Variants in FRMD4A observed in about 807,000 individuals in gnomAD.
The protein encoded by FRMD4A is FERM domain-containing protein 4A.
In FRMD4A, 29 loss-of-function variants were observed where a neutral mutation model predicts 129.1. The ratio of observed to expected loss-of-function variants is 0.22; its 90% confidence interval spans 0.17 to 0.31. The LOEUF is 0.31. FRMD4A is among the 10% of genes least tolerant of loss of function. The probability of loss-of-function intolerance (pLI) is 1.00; values close to 1 mark genes in which losing one functional copy is unlikely to be tolerated. For missense variants in FRMD4A, 1,272 were observed against 1,375.8 expected, an observed-to-expected ratio of 0.92 and a Z score of 1.19; for synonymous variants, 634 against 571.6, an observed-to-expected ratio of 1.11 and a Z score of -1.56.
chr10:13,971,045 A>G (rs2095514585), intron 2 of FRMD4A, among the ~76,000 whole-genome samples: 1 of 152,136 alleles, frequency 6.6e-6, no homozygotes, highest in Non-Finnish European at 1.5e-5. Context: ...CATTCCCCTT[A>G]CCAGCTTGTC....
chr10:13,917,020 C>T (rs553547053), intron 2 of FRMD4A, among the ~76,000 whole-genome samples: 13 of 152,186 alleles, frequency 8.5e-5, no homozygotes, highest in South Asian at 4.2e-4. Context: ...GTGTGCTCAC[C>T]GAAGTTTTGG....
intron 2 of FRMD4A, among the ~76,000 whole-genome samples, chr10:13,881,909 G>C (rs1313536433): frequency 6.6e-6 from 1 of 151,630 alleles, no homozygotes; most frequent in East Asian, 2.0e-4. Flanking sequence ...GGAAAGGGAT[G>C]GGAGGGGAAT....
At chr10:14,226,660 C>T (rs962856556) in intron 2 of FRMD4A, among the ~76,000 whole-genome samples, 1 of 152,098 alleles carries the variant, frequency 6.6e-6, no homozygotes, top group Non-Finnish European at 1.5e-5. Flanking sequence ...AAGGGCATGG[C>T]GGGTTAGGAC....
intron 4 of FRMD4A, among the ~76,000 whole-genome samples, chr10:13,800,296 C>A (rs2093225013): frequency 6.6e-6 from 1 of 152,208 alleles, no homozygotes; most frequent in Non-Finnish European, 1.5e-5. Flanking sequence ...GTTAGGTGCT[C>A]AAAAGAAGTA....
At chr10:14,261,476 C>T (rs751322378) in intron 2 of FRMD4A, among the ~76,000 whole-genome samples, 1 of 152,210 alleles carries the variant, frequency 6.6e-6, no homozygotes, top group African/African-American at 2.4e-5. Context: ...AACGCTTCTT[C>T]TTCTCTGAGG....
chr10:14,239,125 A>T (rs893903440), intron 2 of FRMD4A, among the ~76,000 whole-genome samples: 1 of 152,138 alleles, frequency 6.6e-6, no homozygotes, highest in Non-Finnish European at 1.5e-5. Context: ...TCATAGAAAA[A>T]CATCCCAGAG....
chr10:14,114,573 G>A (rs2131800902), intron 2 of FRMD4A, among the ~76,000 whole-genome samples: 2 of 152,308 alleles, frequency 1.3e-5, no homozygotes, highest in Admixed American at 1.3e-4. Flanking sequence ...AGAAAGGAAT[G>A]ACCACTGCAA....
Position 14,062,623 on chromosome 10 carries a change from G to A in FRMD4A, c.46-203711C>T, listed in dbSNP as rs1344643257. Among the ~76,000 whole-genome samples, 3 of 152,172 alleles carry A rather than the reference G, an allele frequency of 2.0e-5. No individual in the cohort carries two copies. The East Asian group carries it at 5.8e-4, about 29-fold the overall frequency. ...GTGAGACAGTGCATCCCTCTAAGTA[G>A]GTGTCATTTGTTTTCATTTGGATGC... On this transcript the variant is annotated intron_variant, in intron 2 of 24. Transcript: ENST00000357447.
At chr10:13,990,997 G>A (rs1588693132) in intron 2 of FRMD4A, among the ~76,000 whole-genome samples, 1 of 152,172 alleles carries the variant, frequency 6.6e-6, no homozygotes, top group Admixed American at 6.5e-5. Flanking sequence ...GCCAGGTTCC[G>A]AGGTGCATTC....
chr10:14,208,532 G>T (rs1220946870), intron 2 of FRMD4A, among the ~76,000 whole-genome samples: 1 of 152,102 alleles, frequency 6.6e-6, no homozygotes, highest in African/African-American at 2.4e-5. Context: ...CCTTGGGGAA[G>T]GAGGAGGGGA....
intron 8 of FRMD4A, among the ~76,000 whole-genome samples, chr10:13,760,681 C>T (rs943534653): frequency 1.3e-5 from 2 of 152,152 alleles, no homozygotes; most frequent in African/African-American, 4.8e-5. Flanking sequence ...GATAAAATCC[C>T]TCAAAGCATG....
At chr10:14,161,075 C>G (rs1334972499) in intron 2 of FRMD4A, among the ~76,000 whole-genome samples, 1 of 152,156 alleles carries the variant, frequency 6.6e-6, no homozygotes, top group Non-Finnish European at 1.5e-5. Context: ...CTGCCTCAGC[C>G]CCCCGAGTCG....
chr10:13,743,587 G>A (rs974937033), intron 9 of FRMD4A, among the ~76,000 whole-genome samples: 1 of 152,114 alleles, frequency 6.6e-6, no homozygotes, highest in South Asian at 2.1e-4. Context: ...TCAGAAAGCC[G>A]CGTCGCTGTT....
At chr10:14,056,992 T>G (rs1834564994) in intron 2 of FRMD4A, among the ~76,000 whole-genome samples, 1 of 152,250 alleles carries the variant, frequency 6.6e-6, no homozygotes, top group Non-Finnish European at 1.5e-5. Flanking sequence ...GGCTATGTTT[T>G]TCTCACAAAA....
At chr10:14,113,092 G>T (rs768758200) in intron 2 of FRMD4A, among the ~76,000 whole-genome samples, 3 of 152,122 alleles carry the variant, frequency 2.0e-5, no homozygotes, top group Non-Finnish European at 2.9e-5. Flanking sequence ...GAGAAAACCA[G>T]CTCAAAGAAT....
In FRMD4A at chr10:13,811,136, GT is replaced by G. The variant is rs796100744; in HGVS notation, c.112-229del. The stretch of plus-strand genomic sequence containing the variant: ...ACCTTCTGTTTTGTTTCCTAGAAGG[GT>G]TTTTTTTTTTTTAATTGAGATGGAG... On this transcript the variant is annotated intron_variant, in intron 3 of 24. Transcript: ENST00000357447. 7.6e-3 allele frequency among the ~76,000 whole-genome samples: 1,094 copies of G among 143,604 alleles called. 1 individual carries two copies. The highest frequency in any genetic ancestry group is 9.9e-3 in the Non-Finnish European group (645 of 65,106). 94.2% of individuals were successfully genotyped at this position (143,604 alleles called of 152,430 possible). A position where few individuals can be genotyped will look rare whatever the true frequency, so the allele number is the denominator to read the frequency against.
chr10:14,079,837 G>A (rs1385167472), intron 2 of FRMD4A, among the ~76,000 whole-genome samples: 1 of 152,200 alleles, frequency 6.6e-6, no homozygotes, highest in Non-Finnish European at 1.5e-5. Context: ...GGATGGGGCA[G>A]ATAGACATAT....
intron 2 of FRMD4A, among the ~76,000 whole-genome samples, chr10:14,236,964 A>G (rs1405103497): frequency 7.0e-6 from 1 of 143,060 alleles, no homozygotes; most frequent in Non-Finnish European, 1.5e-5. Context: ...CTGTAGATAA[A>G]TTACCCTGAG....
At position 14,275,499 on chromosome 10, in the gene FRMD4A, C is replaced by A. The variant is rs1845307049; in HGVS notation, c.45+54559G>T. Among the ~76,000 whole-genome samples, 4 of 152,124 alleles carry A rather than the reference C, an allele frequency of 2.6e-5. No individual in the cohort carries two copies. The South Asian group carries it at 8.3e-4, about 31-fold the overall frequency. ...TATCTGAATATTTTAAGGCTAGGCA[C>A]AAATGTTAGGCAGTGCAAAGAAAGG... On this transcript the variant is annotated intron_variant, in intron 2 of 24. Coordinates refer to ENST00000357447, the MANE Select transcript of FRMD4A (RefSeq NM_018027.5).
Sources: gnomAD v4.1 joint callset for allele counts (sites outside exome capture counted in the v4.1 genomes callset) on GRCh38, gnomAD v4.1.1 for gene constraint, MANE v1.5 for transcripts, NCBI Gene and HGNC (gene_info 2026-07-23, HGNC 2026-07-21) for gene names.